TDP1: variants seen among roughly 807,000 people sequenced by gnomAD.
The protein encoded by TDP1 is tyr-DNA phosphodiesterase 1.
Under a neutral mutation model 81.5 loss-of-function variants are expected in TDP1, and 64 were observed. That is an observed-to-expected ratio of 0.79 (90% CI 0.64 to 0.97). The LOEUF is 0.97. Among genes scored for constraint, TDP1 ranks in the 50% least tolerant of loss-of-function variants. The pLI is 0.00. For synonymous variants in TDP1, 256 were observed against 264.3 expected (o/e 0.97, Z 0.30); for missense variants, 723 against 743.8 (o/e 0.97, Z 0.33).
At chr14:89,966,731 A>G (rs905749761) in intron 4 of TDP1, among the ~76,000 whole-genome samples, 4 of 152,194 alleles carry the variant, frequency 2.6e-5, no homozygotes, top group Non-Finnish European at 4.4e-5. Flanking sequence ...TTGGTTTGGC[A>G]TTGAAAGTCC....
chr14:90,033,289 G>A (rs1185639333), intron 16 of TDP1, 75 bp downstream of exon 16: 2 of 882,198 alleles, frequency 2.3e-6, no homozygotes, highest in Non-Finnish European at 3.8e-6. Context: ...GAAGCCTTTG[G>A]TCTCAGTGGG....
intron 16 of TDP1, among the ~76,000 whole-genome samples, chr14:90,038,551 G>A (rs1241179883): frequency 6.6e-6 from 1 of 152,090 alleles, no homozygotes; most frequent in Non-Finnish European, 1.5e-5. Flanking sequence ...TTAAATTGTT[G>A]GTATGGCTGG....
chr14:89,979,874 C>T (rs1894783357), intron 7 of TDP1, among the ~76,000 whole-genome samples: 1 of 152,110 alleles, frequency 6.6e-6, no homozygotes, highest in Non-Finnish European at 1.5e-5. Flanking sequence ...AAAGAGTGGA[C>T]CCCACTAAGT....
intron 3 of TDP1, among the ~76,000 whole-genome samples, chr14:89,964,101 G>A (rs1017580661): frequency 6.6e-6 from 1 of 152,130 alleles, no homozygotes; most frequent in Non-Finnish European, 1.5e-5. Flanking sequence ...GACTCTGAGG[G>A]TGAGATCCTG....
chr14:89,977,690 G>A (rs1894516840), intron 7 of TDP1, among the ~76,000 whole-genome samples: 1 of 152,158 alleles, frequency 6.6e-6, no homozygotes, highest in East Asian at 1.9e-4. Flanking sequence ...CTTTTTCTTT[G>A]GTGAGAGAAG....
rs34336410 is a variant in TDP1, at chr14:89,991,469, C to CAGG, written c.1367-446_1367-445insGAG. Reference sequence around the variant, plus strand: ...AGGTAATTTACTTTTATTCTCGACACAGAAGAATTGTAAATAGTCCTTACA... The same window carrying CAGG: ...AGGTAATTTACTTTTATTCTCGACACAGGAGAAGAATTGTAAATAGTCCTTACA... On this transcript the variant is annotated intron_variant, in intron 12 of 16. Transcript: ENST00000335725. 1,207 of 760,620 alleles carry CAGG rather than the reference C, an allele frequency of 1.6e-3. 9 individuals carry two copies. In the African/African-American group the frequency reaches 0.022, roughly 14 times the overall value. The allele number at this position is 760,620 out of a possible 1,614,324, so 47.1% of individuals were successfully genotyped here.
At chr14:90,022,882 T>A (rs1379698484) in intron 15 of TDP1, 4 of 882,432 alleles carry the variant, frequency 4.5e-6, no homozygotes, top group Non-Finnish European at 5.1e-6. Context: ...ATGCTTAACT[T>A]GTGAAGGAGA....
chr14:90,019,057 A>G (rs908827730), intron 14 of TDP1: 2 of 984,706 alleles, frequency 2.0e-6, no homozygotes, highest in Non-Finnish European at 1.2e-6. Flanking sequence ...CTAAGGAAAG[A>G]TAATTATTTT....
chr14:89,999,709 A>C (rs916001472), intron 14 of TDP1, among the ~76,000 whole-genome samples: 4 of 152,248 alleles, frequency 2.6e-5, no homozygotes, highest in Admixed American at 2.6e-4. Flanking sequence ...ATATCCAAAA[A>C]AGTATTATGA....
chr14:90,019,374 A>T lies in TDP1; in HGVS notation c.1600A>T (p.Ile534Phe), dbSNP rs764368550. The change falls in exon 15 of 17, where the codon ATC becomes TTC. Residue 534 changes from isoleucine (I) to phenylalanine (F), a missense_variant. By Grantham distance (21) the Ile-to-Phe change is conservative (BLOSUM62 0). Transcript: ENST00000335725. ...GGAGAAGAATGGCACCCAGCTGATG[A>T]TCCGCTCCTACGAGCTCGGGGTCCT... ...ALEKNGTQLM[I>F]RSYELGVLFL... is the part of the protein sequence containing the mutation. 4 of 1,613,108 alleles carry T rather than the reference A, an allele frequency of 2.5e-6. No homozygotes were observed. In the Admixed American group the frequency reaches 5.0e-5, roughly 20 times the overall value.
chr14:90,042,123 T>C (rs1029432710), intron 16 of TDP1, among the ~76,000 whole-genome samples: 1 of 152,194 alleles, frequency 6.6e-6, no homozygotes, highest in African/African-American at 2.4e-5. Context: ...TCAGCATTGG[T>C]CTACAGTTAT....
chr14:89,983,830 A>G (rs1895266742), intron 8 of TDP1, among the ~76,000 whole-genome samples: 1 of 152,226 alleles, frequency 6.6e-6, no homozygotes, highest in African/African-American at 2.4e-5. Flanking sequence ...CTCTAGGGAA[A>G]AAGAATTAAT....
At chr14:90,016,051 T>A (rs934583008) in intron 14 of TDP1, among the ~76,000 whole-genome samples, 1 of 151,856 alleles carries the variant, frequency 6.6e-6, no homozygotes, top group African/African-American at 2.4e-5. Flanking sequence ...TTTTTCTTTT[T>A]TTTTTTTGAG....
At chr14:90,003,608 A>C (rs1417170140) in intron 14 of TDP1, among the ~76,000 whole-genome samples, 1 of 152,204 alleles carries the variant, frequency 6.6e-6, no homozygotes, top group Non-Finnish European at 1.5e-5. Flanking sequence ...CCTAGGTGTA[A>C]TTGGCAAACC....
intron 5 of TDP1, among the ~76,000 whole-genome samples, chr14:89,968,770 T>C (rs1335554237): frequency 6.6e-6 from 1 of 152,202 alleles, no homozygotes; most frequent in African/African-American, 2.4e-5. Flanking sequence ...GAAATCAAAC[T>C]GTCACCCCAT....
intron 3 of TDP1, 55 bp from the exon 4 acceptor site, chr14:89,966,092 T>C: frequency 8.1e-7 from 1 of 1,237,644 alleles, no homozygotes; most frequent in South Asian, 1.2e-5. Flanking sequence ...GTAGTGATTA[T>C]TATGACTAGA....
chr14:89,998,374 ATATATATATATATAT>A (rs1566890660), intron 14 of TDP1, among the ~76,000 whole-genome samples: 42 of 3,170 alleles, frequency 0.013, 2 homozygotes, highest in African/African-American at 0.019. Context: ...CAAGCACATT[ATATATATATATATAT>A]ATATATATAT....
chr14:89,981,936 C>T (rs1352722081), intron 8 of TDP1, among the ~76,000 whole-genome samples: 3 of 152,148 alleles, frequency 2.0e-5, no homozygotes, highest in African/African-American at 7.2e-5. Flanking sequence ...GCTGAGATTA[C>T]AGGCATGAAC....
At position 89,976,911 on chromosome 14, in the gene TDP1, T is replaced by C. The variant is rs9707515; in HGVS notation, c.791+1096T>C. 2.6e-5 allele frequency among the ~76,000 whole-genome samples: 4 copies of C among 152,026 alleles called. No homozygotes were observed. The South Asian group carries it at 8.3e-4, about 32-fold the overall frequency. On this transcript the variant is annotated intron_variant, in intron 7 of 16. Transcript: ENST00000335725. ...GCTCATGCCTGTAATCCCAGCACTTTGGGAGGCCAAGGTGGGTGGATTATT... is the reference window on the plus strand; with the variant it reads ...GCTCATGCCTGTAATCCCAGCACTTCGGGAGGCCAAGGTGGGTGGATTATT...
Sources: gnomAD v4.1 joint callset for allele counts (sites outside exome capture counted in the v4.1 genomes callset) on GRCh38, gnomAD v4.1.1 for gene constraint, MANE v1.5 for transcripts, NCBI Gene and HGNC (gene_info 2026-07-23, HGNC 2026-07-21) for gene names.